CD247: variants seen among roughly 807,000 people sequenced by gnomAD.
CD247 encodes the protein CD247 molecule.
In CD247, 13 loss-of-function variants were observed where a neutral mutation model predicts 30.0. That is an observed-to-expected ratio of 0.43 (90% CI 0.28 to 0.69). CD247 has a LOEUF of 0.69. Ranked by LOEUF, CD247 falls within the 30% of genes least tolerant of loss-of-function variation. The pLI is 0.16. For missense variants in CD247, 193 were observed against 212.6 expected, an observed-to-expected ratio of 0.91 and a Z score of 0.57; for synonymous variants, 72 against 80.0, an observed-to-expected ratio of 0.90 and a Z score of 0.53.
chr1:167,433,972 G>A, intron 6 of CD247, 48 bp downstream of exon 6: 1 of 1,516,962 alleles, frequency 6.6e-7, no homozygotes, highest in Non-Finnish European at 9.2e-7. Flanking sequence ...GGCGTGTCTG[G>A]AGGACCAAGA....
chr1:167,442,917 C>G (rs1197352462), intron 1 of CD247, among the ~76,000 whole-genome samples: 3 of 152,206 alleles, frequency 2.0e-5, no homozygotes, highest in Non-Finnish European at 4.4e-5. Flanking sequence ...CATAACCAGT[C>G]CAGGCCTGAA....
intron 1 of CD247, among the ~76,000 whole-genome samples, chr1:167,495,805 G>T (rs959200612): frequency 2.2e-4 from 33 of 152,232 alleles, no homozygotes; most frequent in Admixed American, 1.5e-3. Context: ...CACTTGGCTT[G>T]CTCGCTCACT....
chr1:167,517,754 C>T (rs1333933585), intron 1 of CD247, among the ~76,000 whole-genome samples: 2 of 152,136 alleles, frequency 1.3e-5, no homozygotes, highest in Admixed American at 6.5e-5. Context: ...CAGTCCCAGG[C>T]GTGGGTGTGG....
intron 1 of CD247, among the ~76,000 whole-genome samples, chr1:167,449,879 C>T (rs144913001): frequency 5.6e-4 from 85 of 151,748 alleles, no homozygotes; most frequent in Middle Eastern, 3.4e-3. Flanking sequence ...GCCAAGATTG[C>T]GTCATTGCAT....
At chr1:167,437,722 G>GGAATGGGGA (rs1651616113) in intron 4 of CD247, among the ~76,000 whole-genome samples, 1 of 152,158 alleles carries the variant, frequency 6.6e-6, no homozygotes, top group African/African-American at 2.4e-5. Flanking sequence ...GGGAATGGGG[G>GGAATGGGGA]GAATGGGGAG....
chr1:167,498,665 AAAG>A (rs1197685857), intron 1 of CD247, among the ~76,000 whole-genome samples: 2 of 152,242 alleles, frequency 1.3e-5, no homozygotes, highest in Non-Finnish European at 2.9e-5. Flanking sequence ...TTCATTTTAT[AAAG>A]AAGAGGACAG....
At chr1:167,495,110 A>G (rs1315915019) in intron 1 of CD247, among the ~76,000 whole-genome samples, 1 of 152,246 alleles carries the variant, frequency 6.6e-6, no homozygotes, top group Non-Finnish European at 1.5e-5. Context: ...AGTCCAGCGT[A>G]AGAAAAAGTT....
At chr1:167,515,656 C>T (rs971408062) in intron 1 of CD247, among the ~76,000 whole-genome samples, 7 of 152,230 alleles carry the variant, frequency 4.6e-5, no homozygotes, top group African/African-American at 1.7e-4. Flanking sequence ...TGCTTTTTCA[C>T]TATCGGGCCT....
intron 1 of CD247, among the ~76,000 whole-genome samples, chr1:167,465,041 A>G (rs1021252761): frequency 2.0e-5 from 3 of 151,742 alleles, no homozygotes; most frequent in Non-Finnish European, 2.9e-5. Flanking sequence ...TGGTTTCACT[A>G]TCTCTTGCTT....
At chr1:167,447,011 G>C (rs1330666174) in intron 1 of CD247, among the ~76,000 whole-genome samples, 1 of 152,040 alleles carries the variant, frequency 6.6e-6, no homozygotes, top group South Asian at 2.1e-4. Context: ...AATAAAAAGA[G>C]ATAATGGGTG....
intron 1 of CD247, among the ~76,000 whole-genome samples, chr1:167,451,412 G>C (rs924874375): frequency 2.0e-5 from 3 of 152,214 alleles, no homozygotes; most frequent in African/African-American, 7.2e-5. Context: ...CCCCAGGACA[G>C]GCTTCAAATC....
At chr1:167,454,367 T>C (rs1488153856) in intron 1 of CD247, among the ~76,000 whole-genome samples, 1 of 152,206 alleles carries the variant, frequency 6.6e-6, no homozygotes, top group Non-Finnish European at 1.5e-5. Flanking sequence ...ACTATGATAG[T>C]ATATAATATT....
At chr1:167,462,237 C>G (rs997459814) in intron 1 of CD247, among the ~76,000 whole-genome samples, 5 of 152,326 alleles carry the variant, frequency 3.3e-5, no homozygotes, top group African/African-American at 1.2e-4. Context: ...GGACATGGAC[C>G]AAGTTGGGAT....
Position 167,435,709 on chromosome 1 carries a change from G to A in CD247, c.301-275C>T, listed in dbSNP as rs543427690. On this transcript the variant is annotated intron_variant, in intron 4 of 7. Coordinates refer to ENST00000362089, the MANE Select transcript of CD247 (RefSeq NM_198053.3). ...ATTGCCCAGGGCAGGCCATCGGGAC[G>A]CCCACACACATCACAAGCTGACAAG... 1.8e-4 allele frequency among the ~76,000 whole-genome samples: 27 copies of A among 152,370 alleles called. No homozygotes were observed. The South Asian group carries it at 5.0e-3, about 28-fold the overall frequency.
chr1:167,447,972 G>A (rs901374290), intron 1 of CD247, among the ~76,000 whole-genome samples: 2 of 148,390 alleles, frequency 1.3e-5, no homozygotes, highest in East Asian at 4.4e-4. Flanking sequence ...ATGGGTGGGG[G>A]GGTGGGGGCG....
intron 1 of CD247, among the ~76,000 whole-genome samples, chr1:167,498,823 A>T (rs942091541): frequency 3.3e-5 from 5 of 152,138 alleles, no homozygotes; most frequent in African/African-American, 1.2e-4. Flanking sequence ...TACCATCTAG[A>T]CAGAAATGCA....
intron 4 of CD247, 34 bp downstream of exon 4, chr1:167,438,536 G>T: frequency 6.5e-7 from 1 of 1,547,328 alleles, no homozygotes; most frequent in Non-Finnish European, 8.9e-7. Flanking sequence ...CACCACACAT[G>T]CAGGAACACA....
intron 1 of CD247, among the ~76,000 whole-genome samples, chr1:167,501,516 A>G (rs1654907861): frequency 6.6e-6 from 1 of 152,138 alleles, no homozygotes; most frequent in South Asian, 2.1e-4. Flanking sequence ...AAACACACTC[A>G]CACAGTTTTC....
intron 1 of CD247, among the ~76,000 whole-genome samples, chr1:167,517,551 C>A (rs1245628513): frequency 6.6e-6 from 1 of 152,242 alleles, no homozygotes; most frequent in Non-Finnish European, 1.5e-5. Flanking sequence ...CAAAGCTGGG[C>A]TCCCACGATC....
Sources: gnomAD v4.1 joint callset for allele counts (sites outside exome capture counted in the v4.1 genomes callset) on GRCh38, gnomAD v4.1.1 for gene constraint, MANE v1.5 for transcripts, NCBI Gene and HGNC (gene_info 2026-07-23, HGNC 2026-07-21) for gene names.